POLR3C: variants seen among roughly 807,000 people sequenced by gnomAD.
POLR3C encodes the protein RNA polymerase III subunit C, also known as DNA-directed RNA polymerase III subunit RPC3.
In POLR3C, 44 loss-of-function variants were observed where a neutral mutation model predicts 65.9. The observed-to-expected ratio is 0.67, with a 90% CI of 0.52 to 0.86. The LOEUF (loss-of-function observed/expected upper bound fraction) is 0.86, where lower values mean the gene tolerates loss of function less well. POLR3C is among the 40% of genes least tolerant of loss of function. The pLI is 0.00. For missense variants in POLR3C, 576 were observed against 653.2 expected (o/e 0.88, Z 1.29); for synonymous variants, 263 against 231.6 (o/e 1.14, Z -1.23).
chr1:145,838,971 T>C (rs1652078544), intron 11 of POLR3C, among the ~76,000 whole-genome samples: 1 of 152,072 alleles, frequency 6.6e-6, no homozygotes, highest in Non-Finnish European at 1.5e-5. Flanking sequence ...TGGATGGTGA[T>C]AATAAAAATA....
chr1:145,831,090 C>A (rs1399098436), intron 5 of POLR3C, among the ~76,000 whole-genome samples: 2 of 150,928 alleles, frequency 1.3e-5, no homozygotes, highest in African/African-American at 4.9e-5. Context: ...CAGAGCAAGA[C>A]CCTGTCTCAA....
chr1:145,835,845 A>G (rs1553728440), intron 7 of POLR3C, among the ~76,000 whole-genome samples: 1 of 152,200 alleles, frequency 6.6e-6, no homozygotes, highest in Non-Finnish European at 1.5e-5. Context: ...AAGTGCTGGC[A>G]TTACAAAGTC....
At position 145,840,140 on chromosome 1, in the gene POLR3C, A is replaced by C. The variant is rs1478911283; in HGVS notation, c.1348A>C (p.Arg450=). 1 of 1,604,206 alleles carries C rather than the reference A, an allele frequency of 6.2e-7. No homozygotes were observed. The highest frequency in any genetic ancestry group is 8.5e-7 in the Non-Finnish European group (1 of 1,171,024). The change falls in exon 13 of 15, where the codon AGG becomes CGG. Residue 450 remains arginine, a synonymous_variant. Coordinates refer to ENST00000334163, the MANE Select transcript of POLR3C (RefSeq NM_006468.8). The part of the protein sequence containing the change: ...YKSIANLIER[R]QFETKENKRL... ...GAGCATAGCCAACTTGATAGAAAGGAGGCAATTTGAAACCAAAGAGAATAA... is the reference window on the plus strand; with the variant it reads ...GAGCATAGCCAACTTGATAGAAAGGCGGCAATTTGAAACCAAAGAGAATAA...
rs1201196967 is a variant in POLR3C, at chr1:145,842,793, TGATA to T, written c.*394_*397del. Among the ~76,000 whole-genome samples the T allele has an allele frequency of 1.7e-3, 235 of 142,414 alleles. 1 individual carries two copies. The highest frequency in any genetic ancestry group is 5.2e-3 in the Admixed American group (77 of 14,744). The allele number at this position is 142,414 out of a possible 152,430, so 93.4% of individuals were successfully genotyped here. On this transcript the variant is annotated 3_prime_UTR_variant, in exon 15 of 15. Coordinates refer to ENST00000334163, the MANE Select transcript of POLR3C (RefSeq NM_006468.8). ...CTGTTCTTTATTTTGTTGAGATAGG[TGATA>T]GATAGATAGATAGATAGATAATTTG...
intron 1 of POLR3C, among the ~76,000 whole-genome samples, chr1:145,824,801 A>G (rs1415220821): frequency 2.0e-5 from 3 of 152,110 alleles, no homozygotes; most frequent in Admixed American, 2.0e-4. Flanking sequence ...TTTACCTCCT[A>G]AATTTCTTTT....
At chr1:145,826,034 C>G in intron 2 of POLR3C, 111 bp downstream of exon 2, 1 of 830,834 alleles carries the variant, frequency 1.2e-6, no homozygotes, top group South Asian at 1.7e-5. Context: ...AAAGCCTGCC[C>G]TTGGAGCAGA....
At position 145,826,989 on chromosome 1, in the gene POLR3C, T is replaced by C. The variant is rs1350474606; in HGVS notation, c.573T>C (p.Pro191=). Reference sequence around the variant, plus strand: ...ATGAAAAGGACATGTACCTGGTTCCTAAACTCAGCTTGATAGGTAAGGAAT... The same window carrying C: ...ATGAAAAGGACATGTACCTGGTTCCCAAACTCAGCTTGATAGGTAAGGAAT... ...VINEKDMYLV[P]KLSLIGKGKR... is the part of the protein sequence containing the mutation. Residue 191 remains proline (P), a synonymous_variant, in exon 4 of 15, where the codon CCT becomes CCC. Transcript: ENST00000334163. 6.2e-7 allele frequency: 1 copy of C among 1,609,502 alleles called. No homozygotes were observed. Among genetic ancestry groups the C allele is most frequent in the Non-Finnish European group, 8.5e-7 (1 of 1,178,844 alleles).
At chr1:145,836,203 C>T (rs782016470) in intron 7 of POLR3C, among the ~76,000 whole-genome samples, 1 of 152,136 alleles carries the variant, frequency 6.6e-6, no homozygotes, top group African/African-American at 2.4e-5. Context: ...TCACTGCAAC[C>T]TCTGCCTCCC....
At chr1:145,827,915 G>A (rs1650920863) in intron 4 of POLR3C, among the ~76,000 whole-genome samples, 1 of 151,898 alleles carries the variant, frequency 6.6e-6, no homozygotes, top group East Asian at 1.9e-4. Flanking sequence ...GTGACAGAGT[G>A]AGACTCTGTC....
intron 1 of POLR3C, 110 bp from the exon 2 acceptor site, chr1:145,825,647 A>G (rs369683406): frequency 2.3e-5 from 13 of 554,868 alleles, no homozygotes; most frequent in African/African-American, 1.5e-4. Flanking sequence ...AGGCTTTTTG[A>G]TATGTATTGT....
intron 7 of POLR3C, among the ~76,000 whole-genome samples, chr1:145,835,714 CAG>C (rs1311698247): frequency 1.3e-5 from 2 of 152,028 alleles, no homozygotes; most frequent in African/African-American, 4.8e-5. Flanking sequence ...GCTGAGATCA[CAG>C]GCACATGCCA....
intron 7 of POLR3C, among the ~76,000 whole-genome samples, chr1:145,834,658 ATG>A (rs1651647795): frequency 6.6e-6 from 1 of 152,018 alleles, no homozygotes; most frequent in Non-Finnish European, 1.5e-5. Context: ...CTCACCACAC[ATG>A]TGAGTAATGT....
chr1:145,840,429 A>G (rs1652203340), intron 13 of POLR3C: 1 of 406,922 alleles, frequency 2.5e-6, no homozygotes, highest in African/African-American at 2.0e-5. Flanking sequence ...AGTCCCAGCT[A>G]CTCGGGAGGC....
chr1:145,828,706 T>A (rs1559143159), intron 4 of POLR3C, 43 bp from the exon 5 acceptor site: 1 of 1,283,578 alleles, frequency 7.8e-7, no homozygotes, highest in Non-Finnish European at 1.1e-6. Flanking sequence ...TTTCCTGTCA[T>A]CATATGAGAT....
At chr1:145,836,694 A>C in intron 8 of POLR3C, 120 bp downstream of exon 8, 1 of 937,690 alleles carries the variant, frequency 1.1e-6, no homozygotes, top group Non-Finnish European at 1.8e-6. Flanking sequence ...CAGCCCAGAC[A>C]ATTTCTCCAC....
chr1:145,834,672 T>C (rs1559148116), intron 7 of POLR3C, among the ~76,000 whole-genome samples: 1 of 152,020 alleles, frequency 6.6e-6, no homozygotes. Context: ...GAGTAATGTG[T>C]TTCACAACGG....
intron 12 of POLR3C, 38 bp downstream of exon 12, chr1:145,840,029 C>T (rs1183655101): frequency 1.4e-5 from 21 of 1,493,108 alleles, no homozygotes; most frequent in South Asian, 5.6e-5. Flanking sequence ...TTCCTCCATA[C>T]GGTCAAGTAC....
In POLR3C at chr1:145,837,560, T is replaced by C. The variant is rs1553729101; in HGVS notation, c.1034T>C (p.Leu345Pro). The change falls in exon 10 of 15, where the codon CTA (leucine) becomes CCA (proline). Residue 345 changes from leucine (L) to proline (P), a missense_variant. Coordinates refer to ENST00000334163, the MANE Select transcript of POLR3C (RefSeq NM_006468.8). ...VINLHKALAS[L>P]ATATLESVVQ... ...GACCTCCATAAGGCATTAGCATCCC[T>C]AGCCACAGCCACTCTGGAGTCCGTC... 1 of 1,607,550 alleles carries C rather than the reference T, an allele frequency of 6.2e-7. No homozygotes were observed.
At position 145,843,611 on chromosome 1, in the gene POLR3C, TAGG is replaced by T. The variant is rs1652450142; in HGVS notation, c.*1197_*1199del. 6.6e-6 allele frequency among the ~76,000 whole-genome samples: 1 copy of T among 152,088 alleles called. No individual in the cohort carries two copies. Among genetic ancestry groups the T allele is most frequent in the Non-Finnish European group, 1.5e-5 (1 of 68,004 alleles). ...AATAAATTTTGAGCATACAGTCTAG[TAGG>T]AGGAGACAAATAAGTACATAAGTAC... On this transcript the variant is annotated 3_prime_UTR_variant, in exon 15 of 15. Coordinates refer to ENST00000334163, the MANE Select transcript of POLR3C (RefSeq NM_006468.8).
Sources: allele counts gnomAD v4.1 joint callset (sites outside exome capture counted in the v4.1 genomes callset), GRCh38; gene constraint gnomAD v4.1.1; transcripts MANE v1.5; gene names NCBI Gene and HGNC (gene_info 2026-07-23, HGNC 2026-07-21).